MARCHF6: variants seen among roughly 807,000 people sequenced by gnomAD.
The protein encoded by MARCHF6 is membrane associated ring-CH-type finger 6.
A neutral mutation model predicts 133.7 loss-of-function variants in MARCHF6; 31 were observed. The observed-to-expected ratio is 0.23, with a 90% confidence interval of 0.17 to 0.31. The LOEUF (loss-of-function observed/expected upper bound fraction) is 0.31, where lower values mean the gene tolerates loss of function less well. MARCHF6 is among the 10% of genes least tolerant of loss of function. MARCHF6 has a pLI of 1.00. For missense variants in MARCHF6, 723 were observed against 1,121.6 expected, an observed-to-expected ratio of 0.64 and a Z score of 5.08; for synonymous variants, 395 against 402.5, an observed-to-expected ratio of 0.98 and a Z score of 0.22.
chr5:10,399,186 G>C (rs1349902697), intron 10 of MARCHF6, among the ~76,000 whole-genome samples: 1 of 152,166 alleles, frequency 6.6e-6, no homozygotes, highest in Non-Finnish European at 1.5e-5. Flanking sequence ...GGGCCTAGTT[G>C]AGTCATCTTC....
chr5:10,358,204 A>G (rs536890325), intron 1 of MARCHF6, among the ~76,000 whole-genome samples: 10 of 152,330 alleles, frequency 6.6e-5, no homozygotes, highest in African/African-American at 2.2e-4. Context: ...AGAGTGTTCA[A>G]TAAATCACCA....
intron 14 of MARCHF6, among the ~76,000 whole-genome samples, chr5:10,402,822 G>A (rs1372718173): frequency 6.6e-6 from 1 of 152,070 alleles, no homozygotes; most frequent in Non-Finnish European, 1.5e-5. Context: ...TAGTTTGGGT[G>A]GAATCTTTCT....
chr5:10,385,015 G>A (rs1737381752), intron 4 of MARCHF6, among the ~76,000 whole-genome samples: 2 of 152,136 alleles, frequency 1.3e-5, no homozygotes, highest in Admixed American at 1.3e-4. Flanking sequence ...ACATAGCAGT[G>A]AAAAAAGAGC....
chr5:10,417,577 C>A, intron 22 of MARCHF6, 173 bp downstream of exon 22: 1 of 748,312 alleles, frequency 1.3e-6, no homozygotes, highest in Non-Finnish European at 2.1e-6. Flanking sequence ...AAGACCTAGT[C>A]TCTATAAAAA....
intron 1 of MARCHF6, among the ~76,000 whole-genome samples, chr5:10,368,501 G>C (rs1409084989): frequency 6.6e-6 from 1 of 152,136 alleles, no homozygotes; most frequent in Non-Finnish European, 1.5e-5. Context: ...ATTTAGCTGG[G>C]CCTGGTGGTG....
intron 1 of MARCHF6, among the ~76,000 whole-genome samples, chr5:10,365,652 G>T (rs2567585): frequency 0.83 from 126,590 of 152,182 alleles, 53,851 homozygotes; most frequent in Non-Finnish European, 0.9. Context: ...CATAGTTTGT[G>T]TATGGGTATA....
intron 22 of MARCHF6, chr5:10,421,873 C>G (rs1346628437): frequency 6.6e-6 from 1 of 152,216 alleles, no homozygotes; most frequent in Non-Finnish European, 1.5e-5. Flanking sequence ...ATATTCTCAG[C>G]CAGGCCCAAG....
At position 10,390,512 on chromosome 5, in the gene MARCHF6, A is replaced by AC. The variant is rs760181905; in HGVS notation, c.576+16dup. ...ATCACCAAAATGAGGTAACTCCCCTACCCCAAAATTGATTTTACTTAGGTA... is the reference window on the plus strand; with the variant it reads ...ATCACCAAAATGAGGTAACTCCCCTACCCCCAAAATTGATTTTACTTAGGTA... On this transcript the variant is annotated intron_variant, in intron 6 of 25. Coordinates refer to ENST00000274140, the MANE Select transcript of MARCHF6 (RefSeq NM_005885.4). 2 of 1,608,826 alleles carry AC rather than the reference A, an allele frequency of 1.2e-6. No homozygotes were observed. The highest frequency in any genetic ancestry group is 1.7e-6 in the Non-Finnish European group (2 of 1,177,666).
chr5:10,384,376 C>T (rs1238740370), intron 4 of MARCHF6, among the ~76,000 whole-genome samples: 2 of 151,810 alleles, frequency 1.3e-5, no homozygotes, highest in Non-Finnish European at 2.9e-5. Context: ...TTGCAGTACC[C>T]ATAGCCAACA....
At chr5:10,390,262 A>G (rs1482528681) in intron 5 of MARCHF6, 70 bp from the exon 6 acceptor site, 1 of 1,374,420 alleles carries the variant, frequency 7.3e-7, no homozygotes, top group Non-Finnish European at 9.9e-7. Flanking sequence ...GTATAAGAAA[A>G]TTTTTTACCT....
At chr5:10,377,749 TAAA>T in intron 1 of MARCHF6, 46 bp from the exon 2 acceptor site, 1 of 1,384,082 alleles carries the variant, frequency 7.2e-7, no homozygotes, top group East Asian at 2.3e-5. Context: ...CTTGCTTTTT[TAAA>T]AAAGTTATAA....
Position 10,353,870 on chromosome 5 carries a change from GC to G in MARCHF6, c.-28del. ...CCCGCCCGGCCGCGGGAGCCTCGTG[GC>G]TGCGTCACCGCCGCCCCCCCAGACA... On this transcript the variant is annotated 5_prime_UTR_variant, in exon 1 of 26. Coordinates refer to ENST00000274140, the MANE Select transcript of MARCHF6 (RefSeq NM_005885.4). 1.9e-6 allele frequency: 3 copies of G among 1,558,696 alleles called. No individual in the cohort carries two copies. Among genetic ancestry groups the G allele is most frequent in the Non-Finnish European group, 2.6e-6 (3 of 1,156,426 alleles).
At chr5:10,398,076 T>A (rs1253552859) in intron 10 of MARCHF6, among the ~76,000 whole-genome samples, 1 of 152,208 alleles carries the variant, frequency 6.6e-6, no homozygotes, top group African/African-American at 2.4e-5. Context: ...GGGGTTATTG[T>A]TAGGTGTCCT....
chr5:10,389,595 G>T (rs960423097), intron 5 of MARCHF6, among the ~76,000 whole-genome samples: 2 of 152,118 alleles, frequency 1.3e-5, no homozygotes, highest in Non-Finnish European at 2.9e-5. Context: ...TACAGATGGG[G>T]TTTCACCATG....
chr5:10,418,106 C>T (rs547653700), intron 22 of MARCHF6, among the ~76,000 whole-genome samples: 99 of 152,272 alleles, frequency 6.5e-4, no homozygotes, highest in African/African-American at 2.4e-3. Context: ...TGGCTGGGTG[C>T]AGCGGCTTAT....
chr5:10,357,641 C>A (rs565139162), intron 1 of MARCHF6, among the ~76,000 whole-genome samples: 1 of 152,252 alleles, frequency 6.6e-6, no homozygotes, highest in Non-Finnish European at 1.5e-5. Flanking sequence ...ACACAGTCTT[C>A]TTTGTTTCCA....
At chr5:10,356,793 C>G (rs1735503317) in intron 1 of MARCHF6, among the ~76,000 whole-genome samples, 1 of 152,134 alleles carries the variant, frequency 6.6e-6, no homozygotes, top group Admixed American at 6.6e-5. Flanking sequence ...TCTTCCCTTC[C>G]TTTTAAAAAT....
At chr5:10,367,680 C>G (rs963760490) in intron 1 of MARCHF6, among the ~76,000 whole-genome samples, 2 of 152,114 alleles carry the variant, frequency 1.3e-5, no homozygotes, top group Non-Finnish European at 2.9e-5. Context: ...CTGACTTCCA[C>G]AGTGGTGGTG....
chr5:10,380,206 GCTT>G (rs780583404), intron 3 of MARCHF6, among the ~76,000 whole-genome samples: 1 of 150,690 alleles, frequency 6.6e-6, no homozygotes, highest in East Asian at 1.9e-4. Context: ...AGCATCTTGA[GCTT>G]CTCGATATAA....
Sources: allele counts gnomAD v4.1 joint callset (sites outside exome capture counted in the v4.1 genomes callset), GRCh38; gene constraint gnomAD v4.1.1; transcripts MANE v1.5; gene names NCBI Gene and HGNC (gene_info 2026-07-23, HGNC 2026-07-21).